The following PPP1R13L variants were observed in gnomAD, a reference collection of about 807,000 sequenced individuals.
The protein encoded by PPP1R13L is relA-associated inhibitor.
PPP1R13L carries 50 observed loss-of-function variants against 80.9 expected under a neutral mutation model. The ratio of observed to expected loss-of-function variants is 0.62; its 90% CI spans 0.49 to 0.78. The LOEUF is 0.78. Among genes scored for constraint, PPP1R13L ranks in the 30% least tolerant of loss-of-function variants. PPP1R13L has a pLI of 0.00. For synonymous variants in PPP1R13L, 602 were observed against 534.3 expected, an observed-to-expected ratio of 1.13 and a Z score of -1.75; for missense variants, 1,200 against 1,205.9, an observed-to-expected ratio of 1.00 and a Z score of 0.07.
At chr19:45,400,002 C>T (rs970431301) in intron 1 of PPP1R13L, among the ~76,000 whole-genome samples, 5 of 151,712 alleles carry the variant, frequency 3.3e-5, no homozygotes, top group African/African-American at 4.8e-5. Flanking sequence ...TGAGAAATGC[C>T]GTGCACCGAA....
chr19:45,399,632 C>CAAAG, intron 1 of PPP1R13L, among the ~76,000 whole-genome samples: 1 of 94,364 alleles, frequency 1.1e-5, no homozygotes, highest in African/African-American at 3.0e-5. Context: ...TTAAAACAAA[C>CAAAG]AAATAAATAA....
At chr19:45,391,130 G>A (rs373977373) in intron 8 of PPP1R13L, among the ~76,000 whole-genome samples, 3 of 152,000 alleles carry the variant, frequency 2.0e-5, no homozygotes, top group East Asian at 3.9e-4. Flanking sequence ...CCTGGGAGGC[G>A]GAGGTTGCAG....
At chr19:45,406,353 A>T, upstream of PPP1R13L, 1 of 1,230,968 alleles carries the variant, frequency 8.1e-7, no homozygotes, top group Non-Finnish European at 1.0e-6. This position sits in a 1 kb window ranked among gnomAD's most constrained non-coding sequence, Gnocchi z 4.2. Flanking sequence ...TAGGAAGAGC[A>T]GTGTGGCTGC....
Position 45,395,712 on chromosome 19 carries a change from G to C in PPP1R13L, c.1078C>G (p.Gln360Glu). Residue 360 changes from glutamine to glutamate, a missense_variant, in exon 7 of 13, where the codon CAG becomes GAG. Gln to Glu is a conservative substitution (Grantham distance 29, BLOSUM62 2). Coordinates refer to ENST00000360957, the MANE Select transcript of PPP1R13L (RefSeq NM_006663.4). ...CGCTGGCGCGGGGCCCCGCGGGGCT[G>C]GGGGCTGGAGGGGGGCATGGGGATG... is the stretch of plus-strand genomic sequence containing the variant. ...SRIPMPPSSP[Q>E]PRGAPRQRPI... 6.8e-7 allele frequency: 1 copy of C among 1,472,628 alleles called. No individual in the cohort carries two copies. The allele number at this position is 1,472,628 out of a possible 1,614,324, so 91.2% of individuals were successfully genotyped here. A position where few individuals can be genotyped will look rare whatever the true frequency, so the allele number is the denominator to read the frequency against.
intron 7 of PPP1R13L, 31 bp downstream of exon 7, chr19:45,395,405 C>G: frequency 6.4e-7 from 1 of 1,569,720 alleles, no homozygotes; most frequent in Non-Finnish European, 8.6e-7. Context: ...TCCCTTCACC[C>G]AGTCCTCTAG....
chr19:45,395,446 AG>A lies in PPP1R13L; in HGVS notation c.1343del (p.Pro448LeufsTer2). The part of the protein sequence containing the change: ...APQHPQQTWP[P>X]VNEGPPKPPT... ...TCATTGCTGACTCACCTTCGTTCAC[AG>A]GGGGCCATGTCTGTTGGGGATGCTG... On this transcript the variant is annotated frameshift_variant, in exon 7 of 13. Coordinates refer to ENST00000360957, the MANE Select transcript of PPP1R13L (RefSeq NM_006663.4). LOFTEE classifies it high-confidence loss of function. The A allele has an allele frequency of 1.9e-6, 2 of 1,053,548 alleles. No individual in the cohort carries two copies. The allele number at this position is 1,053,548 out of a possible 1,614,324, so 65.3% of individuals were successfully genotyped here. A position where few individuals can be genotyped will look rare whatever the true frequency, so the allele number is the denominator to read the frequency against.
chr19:45,405,459 C>T (rs1395008420), upstream of PPP1R13L, among the ~76,000 whole-genome samples: 30 of 152,196 alleles, frequency 2.0e-4, no homozygotes, highest in Admixed American at 2.0e-3. Context: ...AAAGGATGTC[C>T]CAGCAAGAGT....
rs750887137 is a variant in PPP1R13L at position 45,396,444 on chromosome 19, G to A, written c.713-8C>T. The A allele has an allele frequency of 2.2e-5, 35 of 1,613,832 alleles. No homozygotes were observed. The highest frequency in any genetic ancestry group is 3.3e-4 in the Middle Eastern group (2 of 6,084). On this transcript the variant is annotated splice_polypyrimidine_tract_variant and splice_region_variant and intron_variant, in intron 4 of 12. Coordinates refer to ENST00000360957, the MANE Select transcript of PPP1R13L (RefSeq NM_006663.4). The surrounding 1 kb of genome is among the most constrained non-coding windows in gnomAD (Gnocchi z 5.3). ...GGCGCAGCGTCAGGTCGTCTGGGGA[G>A]AAGTTTCCAGGGAGGATGAGACGGG...
chr19:45,395,711 TG>T lies in PPP1R13L; in HGVS notation c.1078del (p.Gln360SerfsTer15). ...SRIPMPPSSPQPRGAPRQRPI... is the reference protein window; with the variant it reads ...SRIPMPPSSPXPRGAPRQRPI... Reference sequence around the variant, plus strand: ...ACGCTGGCGCGGGGCCCCGCGGGGCTGGGGGCTGGAGGGGGGCATGGGGATG... The same window carrying T: ...ACGCTGGCGCGGGGCCCCGCGGGGCTGGGGCTGGAGGGGGGCATGGGGATG... On this transcript the variant is annotated frameshift_variant, in exon 7 of 13. Transcript: ENST00000360957. LOFTEE classifies it high-confidence loss of function. The T allele has an allele frequency of 3.3e-6, 2 of 606,246 alleles. No homozygotes were observed. Among genetic ancestry groups the T allele is most frequent in the Non-Finnish European group, 2.0e-6 (1 of 491,740 alleles). The allele number at this position is 606,246 out of a possible 1,614,324, so 37.6% of individuals were successfully genotyped here.
At chr19:45,400,463 G>C (rs1014608646) in intron 1 of PPP1R13L, among the ~76,000 whole-genome samples, 2 of 151,976 alleles carry the variant, frequency 1.3e-5, no homozygotes, top group Non-Finnish European at 1.5e-5. Flanking sequence ...ACCCGCCTCT[G>C]TCTGGGAAGT....
intron 1 of PPP1R13L, chr19:45,402,091 G>C (rs2123403576): frequency 6.6e-6 from 1 of 152,280 alleles, no homozygotes; most frequent in South Asian, 2.1e-4. Flanking sequence ...GAAGAATTCA[G>C]AGCTCTGAGA....
intron 8 of PPP1R13L, among the ~76,000 whole-genome samples, chr19:45,387,716 G>A (rs1229390476): frequency 6.6e-6 from 1 of 152,136 alleles, no homozygotes; most frequent in Non-Finnish European, 1.5e-5. Context: ...CACCACGCCT[G>A]GCTATTTTGT....
At chr19:45,388,561 T>C (rs1222109027) in intron 8 of PPP1R13L, among the ~76,000 whole-genome samples, 1 of 151,316 alleles carries the variant, frequency 6.6e-6, no homozygotes, top group Non-Finnish European at 1.5e-5. Flanking sequence ...GGCAACAGAG[T>C]GAGACTCTGT....
At chr19:45,405,880 G>C (rs558014358), upstream of PPP1R13L, among the ~76,000 whole-genome samples, 70 of 152,338 alleles carry the variant, frequency 4.6e-4, 1 homozygote, top group Non-Finnish European at 7.2e-4. Context: ...CCCCAAATCT[G>C]TGTCCACGTG....
At chr19:45,384,729 C>T (rs565419807) in intron 11 of PPP1R13L, among the ~76,000 whole-genome samples, 1 of 151,862 alleles carries the variant, frequency 6.6e-6, no homozygotes, top group Non-Finnish European at 1.5e-5. Flanking sequence ...TGGTGAGCAC[C>T]TGTAGTCCCA....
intron 11 of PPP1R13L, 105 bp downstream of exon 11, chr19:45,385,457 T>C: frequency 3.9e-6 from 5 of 1,289,578 alleles, no homozygotes; most frequent in Non-Finnish European, 5.2e-6. Context: ...GCCAAGTGGT[T>C]GGTACAGCCC....
At position 45,398,060 on chromosome 19, in the gene PPP1R13L, G is replaced by A. The variant is rs767452084; in HGVS notation, c.143C>T (p.Ser48Leu). ...AGGCGCGGGAGAGTCTGACCACAGC[G>A]ACTCCAGCTGCTTGGTCAGTTCATC... ...KVDELTKQLE[S>L]LWSDSPAPPG... is the part of the protein sequence containing the mutation. The change falls in exon 3 of 13, where the codon TCG becomes TTG. Residue 48 changes from serine (S) to leucine (L), a missense_variant. Coordinates refer to ENST00000360957, the MANE Select transcript of PPP1R13L (RefSeq NM_006663.4). The A allele has an allele frequency of 5.0e-6, 8 of 1,614,014 alleles. No homozygotes were observed. The highest frequency in any genetic ancestry group is 4.5e-5 in the East Asian group (2 of 44,882).
chr19:45,385,939 G>C lies in PPP1R13L; in HGVS notation c.1966C>G (p.Pro656Ala). Residue 656 changes from proline to alanine, a missense_variant, in exon 10 of 13, where the codon CCC (proline) becomes GCC (alanine). Pro to Ala is a conservative substitution (Grantham distance 27). This residue lies in a region of PPP1R13L where 214 missense variants were observed against 199.6 expected (regional missense o/e 1.07). Coordinates refer to ENST00000360957, the MANE Select transcript of PPP1R13L (RefSeq NM_006663.4). ...AVKEMNDPSQ[P>A]NEEGITALHN... ...AAGGCAGTGATGCCCTCCTCGTTGG[G>C]CTGGCTCGGGTCGTTCATCTGAGTG... 1 of 1,611,962 alleles carries C rather than the reference G, an allele frequency of 6.2e-7. No homozygotes were observed. Among genetic ancestry groups the C allele is most frequent in the Non-Finnish European group, 8.5e-7 (1 of 1,179,302 alleles).
chr19:45,382,996 C>CTTTCTTTTTT (rs569515406), intron 11 of PPP1R13L, among the ~76,000 whole-genome samples: 2 of 126,268 alleles, frequency 1.6e-5, no homozygotes, highest in African/African-American at 6.3e-5. Context: ...TCTTTTCTTT[C>CTTTCTTTTTT]TTTTTTTTTT....
Sources: allele counts gnomAD v4.1 joint callset (sites outside exome capture counted in the v4.1 genomes callset), GRCh38; gene constraint gnomAD v4.1.1; regional missense constraint gnomAD v4.1.1; non-coding constraint Gnocchi (gnomAD v3.1); transcripts MANE v1.5; gene names NCBI Gene and HGNC (gene_info 2026-07-23, HGNC 2026-07-21).